NDRG4: variants seen among roughly 807,000 people sequenced by gnomAD.
NDRG4 encodes NDRG family member 4, also known as protein NDRG4.
In NDRG4, 38 loss-of-function variants were observed where a neutral mutation model predicts 55.8. The observed-to-expected ratio is 0.68, with a 90% CI of 0.53 to 0.89. The LOEUF (loss-of-function observed/expected upper bound fraction) is 0.89. NDRG4 is among the 40% of genes least tolerant of loss of function. The pLI is 0.00. For synonymous variants in NDRG4, 190 were observed against 182.7 expected, an observed-to-expected ratio of 1.04 and a Z score of -0.32; for missense variants, 455 against 468.6, an observed-to-expected ratio of 0.97 and a Z score of 0.27.
chr16:58,507,874 C>A lies in NDRG4; in HGVS notation c.677+10C>A. The A allele has an allele frequency of 6.2e-7, 1 of 1,614,052 alleles. No individual in the cohort carries two copies. Among genetic ancestry groups the A allele is most frequent in the African/African-American group, 1.3e-5 (1 of 75,072 alleles). ...ATGCCAAGACGCTCCGGTGAGTGGC[C>A]CCTGGCCCTCTGGCCTGCCCTGGCC... On this transcript the variant is annotated intron_variant, in intron 9 of 14. Transcript: ENST00000570248.
At chr16:58,477,717 C>T (rs1233297662) in intron 1 of NDRG4, among the ~76,000 whole-genome samples, 7 of 129,590 alleles carry the variant, frequency 5.4e-5, no homozygotes, top group Non-Finnish European at 9.4e-5. Context: ...AGGCAACCAC[C>T]AAAGTAATAA....
At chr16:58,482,079 C>A (rs550951015) in intron 1 of NDRG4, among the ~76,000 whole-genome samples, 1 of 152,154 alleles carries the variant, frequency 6.6e-6, no homozygotes, top group African/African-American at 2.4e-5. Flanking sequence ...GGTGCAGAGG[C>A]CTGGACATGA....
intron 1 of NDRG4, among the ~76,000 whole-genome samples, chr16:58,467,152 G>GT (rs1285957822): frequency 1.3e-5 from 2 of 152,186 alleles, no homozygotes; most frequent in Non-Finnish European, 2.9e-5. Context: ...GGATAATTCT[G>GT]TAGAGGCCTC....
At chr16:58,503,764 G>A in intron 1 of NDRG4, 34 bp from the exon 2 acceptor site, 3 of 1,613,084 alleles carry the variant, frequency 1.9e-6, no homozygotes, top group East Asian at 2.2e-5. Context: ...AGCGGAGGCT[G>A]CCCAGAGTGT....
rs780050783 is a variant in NDRG4 at position 58,503,755 on chromosome 16, G to C, written c.22-43G>C. 10 of 1,612,144 alleles carry C rather than the reference G, an allele frequency of 6.2e-6. No individual in the cohort carries two copies. In the South Asian group the frequency reaches 1.1e-4, roughly 18 times the overall value. On this transcript the variant is annotated intron_variant, in intron 1 of 14. Coordinates refer to ENST00000570248, the MANE Select transcript of NDRG4 (RefSeq NM_001242835.2). The stretch of plus-strand genomic sequence containing the variant: ...ACCTCATTCCCCAGAGGAGCCAAGA[G>C]CGGAGGCTGCCCAGAGTGTCCAGCA...
intron 1 of NDRG4, among the ~76,000 whole-genome samples, chr16:58,474,329 TGGCTTCCTTTCATTTGCTTGCCTGACC>T (rs2033321691): frequency 6.6e-6 from 1 of 152,090 alleles, no homozygotes; most frequent in South Asian, 2.1e-4. Context: ...AGGCGTGAGC[TGGCTTCCTTTCATTTGCTTGCCTGACC>T]GGCTTCCTTT....
rs370847783 is a variant in NDRG4 at position 58,509,296 on chromosome 16, C to T, written c.814-5C>T. On this transcript the variant is annotated splice_polypyrimidine_tract_variant and splice_region_variant and intron_variant, in intron 12 of 14. Transcript: ENST00000570248. The stretch of plus-strand genomic sequence containing the variant: ...GAAAGCATGTGCTTGTCCTGCCCTC[C>T]GCAGCCAGGGAAGCTGACTGAAGCC... 146 of 1,613,988 alleles carry T rather than the reference C, an allele frequency of 9.0e-5. No homozygotes were observed. Among genetic ancestry groups the T allele is most frequent in the Non-Finnish European group, 1.1e-4 (131 of 1,180,008 alleles).
chr16:58,466,587 C>T lies in NDRG4; in HGVS notation c.-24+2790C>T, dbSNP rs144103205. 2.8e-3 allele frequency among the ~76,000 whole-genome samples: 421 copies of T among 152,356 alleles called. 1 individual carries two copies. The highest frequency in any genetic ancestry group is 0.01 in the Middle Eastern group (3 of 294). On this transcript the variant is annotated intron_variant, in intron 1 of 15. Coordinates refer to the NDRG4 transcript ENST00000258187. ...TGGCCAGGGTGGATGAGGCCCCTCT[C>T]AGTTACTGTCATCAGTCACAGGCTC... is the stretch of plus-strand genomic sequence containing the variant.
chr16:58,499,799 C>A, upstream of NDRG4: 1 of 302,768 alleles, frequency 3.3e-6, no homozygotes, highest in Non-Finnish European at 6.4e-6. Context: ...TGTGACGACC[C>A]TGTGTGTACC....
rs369020601 is a variant in NDRG4 at position 58,506,584 on chromosome 16, C to T, written c.486C>T (p.Pro162=). The change falls in exon 7 of 15, where the codon CCC becomes CCT. Residue 162 remains proline, a synonymous_variant. Transcript: ENST00000570248. ...TCTCCGGCCTAACTAGCACTTTACCCGACACGGTGCTCTCCCACCTCTTCA... is the reference window on the plus strand; with the variant it reads ...TCTCCGGCCTAACTAGCACTTTACCTGACACGGTGCTCTCCCACCTCTTCA... The part of the protein sequence containing the change: ...TKLSGLTSTL[P]DTVLSHLFSQ... The T allele has an allele frequency of 3.7e-5, 59 of 1,574,498 alleles. No homozygotes were observed. Among genetic ancestry groups the T allele is most frequent in the East Asian group, 1.8e-4 (8 of 43,312 alleles).
intron 12 of NDRG4, 21 bp from the exon 13 acceptor site, chr16:58,509,280 T>G: frequency 6.2e-7 from 1 of 1,614,040 alleles, no homozygotes; most frequent in Non-Finnish European, 8.5e-7. Context: ...TGAAAGCATG[T>G]GCTTGTCCTG....
In NDRG4 at chr16:58,512,985, T is replaced by A. The variant is rs1264878990; in HGVS notation, c.*1409T>A. 6.5e-6 allele frequency: 1 copy of A among 152,688 alleles called. No homozygotes were observed. 9.5% of individuals were successfully genotyped at this position (152,688 alleles called of 1,614,324 possible). A position where few individuals can be genotyped will look rare whatever the true frequency, so the allele number is the denominator to read the frequency against. ...ACCCCCCTTCTATAATCTTAAGCCA[T>A]GACTAGCCTGGTGGCGTGTTAGTTT... On this transcript the variant is annotated 3_prime_UTR_variant, in exon 15 of 15. Coordinates refer to ENST00000570248, the MANE Select transcript of NDRG4 (RefSeq NM_001242835.2).
upstream of NDRG4, among the ~76,000 whole-genome samples, chr16:58,495,821 C>T (rs1000319381): frequency 4.6e-5 from 7 of 152,148 alleles, no homozygotes; most frequent in Non-Finnish European, 8.8e-5. Context: ...TGCTCAGATC[C>T]TCCGGGAATG....
chr16:58,480,283 G>A (rs1325453795), intron 1 of NDRG4, among the ~76,000 whole-genome samples: 1 of 152,158 alleles, frequency 6.6e-6, no homozygotes, highest in Non-Finnish European at 1.5e-5. Flanking sequence ...ACCACGCCCG[G>A]CTAATTTTTG....
In NDRG4 at chr16:58,509,418, G is replaced by A. The variant is rs2038486429; in HGVS notation, c.865+66G>A. ...GGTGGGCAGGCAGTGCTGGGGTTGG[G>A]GCTCCTGTTTGCAGGGCTGGCACGT... On this transcript the variant is annotated intron_variant, in intron 13 of 14. Coordinates refer to ENST00000570248, the MANE Select transcript of NDRG4 (RefSeq NM_001242835.2). 1.9e-6 allele frequency: 3 copies of A among 1,564,556 alleles called. No homozygotes were observed. In the East Asian group the frequency reaches 6.7e-5, roughly 35 times the overall value.
At chr16:58,477,472 T>A (rs1355052002) in intron 1 of NDRG4, among the ~76,000 whole-genome samples, 4 of 151,286 alleles carry the variant, frequency 2.6e-5, no homozygotes, top group Non-Finnish European at 4.4e-5. Context: ...GAACTCCCAA[T>A]GGCCAAGCCT....
chr16:58,483,925 C>G (rs1264940678), intron 1 of NDRG4, among the ~76,000 whole-genome samples: 1 of 152,086 alleles, frequency 6.6e-6, no homozygotes, highest in Non-Finnish European at 1.5e-5. Flanking sequence ...AAAAAATAGT[C>G]GGGCTCTGGT....
intron 5 of NDRG4, chr16:58,506,146 G>GTGTGTGTT (rs2037950943): frequency 1.6e-6 from 1 of 636,098 alleles, no homozygotes; most frequent in Admixed American, 2.3e-5. Context: ...GTGTGTGTGT[G>GTGTGTGTT]TGTGTGTGTG....
chr16:58,479,796 G>A (rs1033282604), intron 1 of NDRG4, among the ~76,000 whole-genome samples: 3 of 152,224 alleles, frequency 2.0e-5, no homozygotes, highest in South Asian at 2.1e-4. Context: ...AGGAGCAATG[G>A]TCTGAGCAGG....
Sources: gnomAD v4.1 joint callset for allele counts (sites outside exome capture counted in the v4.1 genomes callset) on GRCh38, gnomAD v4.1.1 for gene constraint, MANE v1.5 for transcripts, NCBI Gene and HGNC (gene_info 2026-07-23, HGNC 2026-07-21) for gene names.